Variants in SPMIP3 observed in about 807,000 individuals in gnomAD.
The protein encoded by SPMIP3 is protein SPMIP3.
chr1:244,382,552 A>C, the SPMIP3 span, among the ~76,000 whole-genome samples: 1 of 149,014 alleles, frequency 6.7e-6, no homozygotes, highest in African/African-American at 2.5e-5. Flanking sequence ...TTAACAGAAG[A>C]GTGGCATCTT....
the SPMIP3 span, chr1:244,364,885 T>C: frequency 5.9e-6 from 6 of 1,010,786 alleles, no homozygotes; most frequent in East Asian, 1.5e-4. Flanking sequence ...GGGAAGCTCT[T>C]TGGATATTTC....
the SPMIP3 span, chr1:244,378,712 G>A: frequency 1.4e-6 from 2 of 1,478,856 alleles, no homozygotes; most frequent in African/African-American, 1.4e-5. Context: ...TCTCCTGTAG[G>A]CTTGCTGTCT....
chr1:244,361,235 CTT>C, the SPMIP3 span, among the ~76,000 whole-genome samples: 15 of 119,298 alleles, frequency 1.3e-4, 1 homozygote, highest in Admixed American at 4.0e-4. Flanking sequence ...TTCTTTCTTT[CTT>C]TTTTTTTTTT....
chr1:244,379,954 G>A, the SPMIP3 span, among the ~76,000 whole-genome samples: 2 of 104,848 alleles, frequency 1.9e-5, no homozygotes, highest in African/African-American at 3.6e-5. Context: ...GGCAACAGGA[G>A]CAAAACTGTC....
At chr1:244,388,832 CATTT>C in the SPMIP3 span, 96,478 of 717,020 alleles carry the variant, frequency 0.13, 6,897 homozygotes, top group Admixed American at 0.25. Context: ...TAAATGCATT[CATTT>C]GTCTTAAACC....
At chr1:244,382,316 G>A in the SPMIP3 span, among the ~76,000 whole-genome samples, 11 of 152,172 alleles carry the variant, frequency 7.2e-5, no homozygotes, top group Non-Finnish European at 1.3e-4. Flanking sequence ...AGGGCAGTCC[G>A]GGAAAATGTC....
chr1:244,371,872 T>C, the SPMIP3 span, among the ~76,000 whole-genome samples: 974 of 152,302 alleles, frequency 6.4e-3, 14 homozygotes, highest in African/African-American at 0.022. Context: ...TGCCAGTTCC[T>C]CTCTCTTCTT....
chr1:244,358,170 C>T, the SPMIP3 span, among the ~76,000 whole-genome samples: 1 of 152,034 alleles, frequency 6.6e-6, no homozygotes, highest in Non-Finnish European at 1.5e-5. Context: ...GTGGAGGTTG[C>T]AGTGAGCCAA....
the SPMIP3 span, among the ~76,000 whole-genome samples, chr1:244,356,913 TTTTC>T: frequency 7.3e-6 from 1 of 137,892 alleles, no homozygotes. Context: ...TTTTCTTTTC[TTTTC>T]CTTTTTTTTT....
the SPMIP3 span, among the ~76,000 whole-genome samples, chr1:244,379,806 C>G: frequency 5.3e-5 from 8 of 152,012 alleles, no homozygotes; most frequent in African/African-American, 1.9e-4. Flanking sequence ...ATGGAGAAAC[C>G]CTGTCTCTAC....
At chr1:244,373,704 A>G in the SPMIP3 span, among the ~76,000 whole-genome samples, 1 of 151,896 alleles carries the variant, frequency 6.6e-6, no homozygotes, top group Non-Finnish European at 1.5e-5. Flanking sequence ...AAGTAATTGC[A>G]GTTTTTGCCA....
chr1:244,383,091 C>G, the SPMIP3 span, among the ~76,000 whole-genome samples: 2 of 152,164 alleles, frequency 1.3e-5, no homozygotes, highest in African/African-American at 4.8e-5. Flanking sequence ...TATTTGATAT[C>G]AAGAACACTT....
chr1:244,356,070 C>T, the SPMIP3 span, among the ~76,000 whole-genome samples: 533 of 152,280 alleles, frequency 3.5e-3, 5 homozygotes, highest in African/African-American at 0.012. Flanking sequence ...AGATTTTCTA[C>T]GTGGACAATT....
the SPMIP3 span, among the ~76,000 whole-genome samples, chr1:244,381,476 C>G: frequency 6.6e-6 from 1 of 152,266 alleles, no homozygotes; most frequent in East Asian, 1.9e-4. Context: ...ACCTATGGAG[C>G]TAAATAAATT....
the SPMIP3 span, among the ~76,000 whole-genome samples, chr1:244,383,803 G>A: frequency 3.6e-3 from 552 of 152,262 alleles, 6 homozygotes; most frequent in African/African-American, 0.013. Flanking sequence ...AGCAGGGTGC[G>A]GTGGAGGGAT....
At chr1:244,365,159 T>C in the SPMIP3 span, among the ~76,000 whole-genome samples, 1 of 152,304 alleles carries the variant, frequency 6.6e-6, no homozygotes, top group Non-Finnish European at 1.5e-5. Flanking sequence ...AACACCAATG[T>C]TGTTTGGCCG....
chr1:244,362,977 G>A, the SPMIP3 span, among the ~76,000 whole-genome samples: 2 of 150,848 alleles, frequency 1.3e-5, no homozygotes, highest in East Asian at 3.9e-4. Flanking sequence ...CTGAGTAGCT[G>A]GGACCACAGG....
chr1:244,388,895 T>C, the SPMIP3 span: 1 of 1,400,940 alleles, frequency 7.1e-7, no homozygotes, highest in Non-Finnish European at 1.0e-6. Context: ...GACAGTGTGT[T>C]AAAAATTAGG....
chr1:244,363,983 G>A, the SPMIP3 span, among the ~76,000 whole-genome samples: 3 of 127,868 alleles, frequency 2.3e-5, no homozygotes, highest in African/African-American at 7.6e-5. Flanking sequence ...TTGTGAGGTA[G>A]GAAGGCCCAC....
Sources: allele counts gnomAD v4.1 joint callset (sites outside exome capture counted in the v4.1 genomes callset), GRCh38; gene constraint gnomAD v4.1.1; transcripts MANE v1.5; gene names NCBI Gene and HGNC (gene_info 2026-07-23, HGNC 2026-07-21).